Variants in CASP6 observed in about 807,000 individuals in gnomAD.
CASP6 encodes caspase 6, also known as caspase-6.
CASP6 carries 20 observed loss-of-function variants against 31.8 expected under a neutral mutation model. That is an observed-to-expected ratio of 0.63 (90% confidence interval 0.44 to 0.91). The LOEUF (loss-of-function observed/expected upper bound fraction) is 0.91. Among genes scored for constraint, CASP6 ranks in the 40% least tolerant of loss-of-function variants. The pLI, the probability that CASP6 is intolerant of heterozygous loss-of-function variation, is 0.00. For missense variants in CASP6, 328 were observed against 361.1 expected, an observed-to-expected ratio of 0.91 and a Z score of 0.74; for synonymous variants, 130 against 127.8, an observed-to-expected ratio of 1.02 and a Z score of -0.12.
At position 109,697,690 on chromosome 4, in the gene CASP6, C is replaced by T. The variant is rs779755895; in HGVS notation, c.162G>A (p.Arg54=). The part of the protein sequence containing the change: ...RGIALIFNHE[R]FFWHLTLPER... ...CTGGCAGTGTTAAGTGCCAAAAGAA[C>T]CTCTCATGATTGAAGATTAAAGCAA... Residue 54 remains arginine, a synonymous_variant, in exon 3 of 7, where the codon AGG becomes AGA. Transcript: ENST00000265164. 6.2e-7 allele frequency: 1 copy of T among 1,614,026 alleles called. No homozygotes were observed. Among genetic ancestry groups the T allele is most frequent in the Non-Finnish European group, 8.5e-7 (1 of 1,179,968 alleles).
chr4:109,683,640 T>C (rs550774922), downstream of CASP6, among the ~76,000 whole-genome samples: 1 of 152,334 alleles, frequency 6.6e-6, no homozygotes, highest in Non-Finnish European at 1.5e-5. Context: ...TATGCACTAT[T>C]CTCATCTTTT....
downstream of CASP6, chr4:109,687,550 C>CTGTT: frequency 6.2e-7 from 1 of 1,612,902 alleles, no homozygotes; most frequent in Non-Finnish European, 8.5e-7. Context: ...GTCATTCTCT[C>CTGTT]TGTTTGCAAA....
rs774645479 is a variant in CASP6 at position 109,694,474 on chromosome 4, T to G, written c.483+51A>C. ...AACTGGCTTTTAGACCTTTATCACATGTTCAGAATGACAGACTTTATAATT... is the reference window on the plus strand; with the variant it reads ...AACTGGCTTTTAGACCTTTATCACAGGTTCAGAATGACAGACTTTATAATT... On this transcript the variant is annotated intron_variant, in intron 5 of 6. Transcript: ENST00000265164. 7.0e-6 allele frequency: 10 copies of G among 1,437,396 alleles called. No homozygotes were observed. In the South Asian group the frequency reaches 1.6e-4, roughly 23 times the overall value. The allele number at this position is 1,437,396 out of a possible 1,614,324, so 89.0% of individuals were successfully genotyped here.
chr4:109,694,033 A>T (rs1730161156), intron 5 of CASP6, among the ~76,000 whole-genome samples: 1 of 152,178 alleles, frequency 6.6e-6, no homozygotes, highest in Non-Finnish European at 1.5e-5. Context: ...CACGCCTGTA[A>T]AAAATACTTT....
At chr4:109,671,792 A>T in the CASP6 span, among the ~76,000 whole-genome samples, 1 of 151,932 alleles carries the variant, frequency 6.6e-6, no homozygotes, top group African/African-American at 2.4e-5. Flanking sequence ...TTGTCTTTAA[A>T]TTTTTTGCTG....
chr4:109,665,780 G>T, the CASP6 span, among the ~76,000 whole-genome samples: 2 of 152,120 alleles, frequency 1.3e-5, no homozygotes, highest in Non-Finnish European at 2.9e-5. Flanking sequence ...TGATTGTATA[G>T]CCTTTTCAGA....
the CASP6 span, among the ~76,000 whole-genome samples, chr4:109,669,580 T>C: frequency 1.3e-5 from 2 of 152,076 alleles, no homozygotes; most frequent in African/African-American, 4.8e-5. Flanking sequence ...TGGGGGGAGT[T>C]CTCAGTCCTT....
the CASP6 span, chr4:109,674,037 G>C: frequency 7.5e-7 from 1 of 1,324,906 alleles, no homozygotes; most frequent in Non-Finnish European, 1.1e-6. Context: ...ACATGCGTGT[G>C]GTAGCCCAAG....
At chr4:109,668,150 T>C in the CASP6 span, among the ~76,000 whole-genome samples, 1 of 152,168 alleles carries the variant, frequency 6.6e-6, no homozygotes, top group Non-Finnish European at 1.5e-5. Context: ...TTTATCTCAG[T>C]TGATTGGTGG....
downstream of CASP6, chr4:109,685,309 C>T: frequency 6.3e-7 from 1 of 1,594,750 alleles, no homozygotes; most frequent in Non-Finnish European, 8.6e-7. Context: ...CACAAGAAAT[C>T]AAAGCAACAG....
chr4:109,695,077 C>T (rs779502996), intron 4 of CASP6, among the ~76,000 whole-genome samples: 4 of 151,996 alleles, frequency 2.6e-5, no homozygotes, highest in South Asian at 2.1e-4. Flanking sequence ...TGATCCACCT[C>T]GCCTCAGCCT....
chr4:109,664,391 A>G, the CASP6 span: 6 of 1,276,454 alleles, frequency 4.7e-6, no homozygotes, highest in African/African-American at 8.8e-5. Context: ...GTGTCCAAAG[A>G]GAGGTAAGAA....
downstream of CASP6, chr4:109,684,341 C>G: frequency 1.2e-6 from 1 of 852,344 alleles, no homozygotes; most frequent in East Asian, 2.7e-5. Flanking sequence ...AGATTACAGG[C>G]GTGAGCCACC....
At chr4:109,677,802 ATTTTTTTT>A in the CASP6 span, among the ~76,000 whole-genome samples, 6 of 86,588 alleles carry the variant, frequency 6.9e-5, no homozygotes, top group South Asian at 2.2e-3. Flanking sequence ...AAGGAAACAA[ATTTTTTTT>A]TTTTTTTTTT....
downstream of CASP6, chr4:109,685,229 T>A: frequency 2.2e-6 from 2 of 909,966 alleles, no homozygotes; most frequent in Non-Finnish European, 3.4e-6. Context: ...GTTGTTTTCT[T>A]CTCTCTCTCT....
chr4:109,674,656 C>T, the CASP6 span, among the ~76,000 whole-genome samples: 5 of 152,152 alleles, frequency 3.3e-5, no homozygotes, highest in African/African-American at 1.2e-4. Flanking sequence ...AAAGCTTAAA[C>T]AATAGAGCTG....
At position 109,689,356 on chromosome 4, in the gene CASP6, G is replaced by C. The variant is rs202172975; in HGVS notation, c.856C>G (p.Leu286Val). The C allele has an allele frequency of 1.5e-5, 25 of 1,614,076 alleles. 1 individual carries two copies. In the South Asian group the frequency reaches 2.6e-4, roughly 17 times the overall value. ...TAATTAGATTTTGGAAAGAAATGCA[G>C]CTTTTTAGTTAGCATTGAGGCAAAA... ...PCFASMLTKKLHFFPKSN is the reference protein window; with the variant it reads ...PCFASMLTKKVHFFPKSN The change falls in exon 7 of 7, where the codon CTG becomes GTG. Residue 286 changes from leucine to valine, a missense_variant. Physicochemically the swap from Leu to Val is conservative, Grantham distance 32. Transcript: ENST00000265164.
chr4:109,703,627 G>T (rs751503379), upstream of CASP6: 3 of 573,368 alleles, frequency 5.2e-6, no homozygotes, highest in Non-Finnish European at 9.1e-6. Flanking sequence ...GAGCGCGGGG[G>T]CAGGGAGAGG....
Position 109,689,329 on chromosome 4 carries a change from A to G in CASP6, c.*1T>C. 1 of 1,613,048 alleles carries G rather than the reference A, an allele frequency of 6.2e-7. No individual in the cohort carries two copies. Among genetic ancestry groups the G allele is most frequent in the Admixed American group, 1.7e-5 (1 of 59,904 alleles). On this transcript the variant is annotated 3_prime_UTR_variant, in exon 7 of 7. Coordinates refer to ENST00000265164, the MANE Select transcript of CASP6 (RefSeq NM_001226.4). ...GTGTAAAATTAGATAGCCTCTATTA[A>G]TTAATTAGATTTTGGAAAGAAATGC... is the stretch of plus-strand genomic sequence containing the variant.
Sources: gnomAD v4.1 joint callset for allele counts (sites outside exome capture counted in the v4.1 genomes callset) on GRCh38, gnomAD v4.1.1 for gene constraint, MANE v1.5 for transcripts, NCBI Gene and HGNC (gene_info 2026-07-23, HGNC 2026-07-21) for gene names.